SYNE1: variants seen among roughly 807,000 people sequenced by gnomAD.
SYNE1 encodes the protein spectrin repeat containing nuclear envelope protein 1.
A neutral mutation model predicts 1,111.0 loss-of-function variants in SYNE1; 616 were observed. That is an observed-to-expected ratio of 0.55 (90% CI 0.52 to 0.59). SYNE1 has a LOEUF of 0.59. SYNE1 is among the 20% of genes least tolerant of loss of function. The probability of loss-of-function intolerance (pLI) is 0.00; values close to 1 mark genes in which losing one functional copy is unlikely to be tolerated. For missense variants in SYNE1, 10,006 were observed against 10,417.0 expected (o/e 0.96, Z 1.72); for synonymous variants, 3,855 against 3,825.8 (o/e 1.01, Z -0.28).
chr6:152,355,484 T>C (rs2096821128), intron 66 of SYNE1, among the ~76,000 whole-genome samples: 1 of 152,086 alleles, frequency 6.6e-6, no homozygotes, highest in Non-Finnish European at 1.5e-5. Flanking sequence ...AACTGGAGAG[T>C]GCAGGGCACA....
chr6:152,410,146 A>T (rs1043969024), intron 42 of SYNE1: 10 of 161,070 alleles, frequency 6.2e-5, no homozygotes, highest in Non-Finnish European at 1.4e-4. Context: ...ACAAATAAAA[A>T]GATTACTCAA....
Position 152,353,409 on chromosome 6 carries a change from C to T in SYNE1, c.11107G>A (p.Glu3703Lys), listed in dbSNP as rs760166649. 6.2e-6 allele frequency: 10 copies of T among 1,614,164 alleles called. 1 individual carries two copies. The South Asian group carries it at 1.1e-4, about 18-fold the overall frequency. ...TCTGATTCCTCCAAACTCTGAATCTCCTCCTCCAGGAATTTTATTTGTTCC... is the reference window on the plus strand; with the variant it reads ...TCTGATTCCTCCAAACTCTGAATCTTCTCCTCCAGGAATTTTATTTGTTCC... ...VLEQIKFLEE[E>K]IQSLEESESS... The change falls in exon 69 of 146, where the codon GAG becomes AAG. Residue 3703 changes from glutamate (E) to lysine (K), a missense_variant. Glu to Lys is a moderately conservative substitution (Grantham distance 56, BLOSUM62 1). Transcript: ENST00000367255.
chr6:152,290,161 G>A (rs965112834), intron 95 of SYNE1, among the ~76,000 whole-genome samples: 16 of 152,170 alleles, frequency 1.1e-4, no homozygotes, highest in African/African-American at 3.9e-4. Context: ...TGTCCCTAAA[G>A]CATCAGATGC....
chr6:152,155,843 C>T, intron 132 of SYNE1, 67 bp downstream of exon 132: 1 of 1,588,674 alleles, frequency 6.3e-7, no homozygotes, highest in South Asian at 1.1e-5. Flanking sequence ...ACAGTGGATA[C>T]TCTGGGTGAT....
At chr6:152,268,238 T>A in intron 99 of SYNE1, 73 bp from the exon 100 acceptor site, 1 of 1,252,386 alleles carries the variant, frequency 8.0e-7, no homozygotes, top group Non-Finnish European at 1.2e-6. Flanking sequence ...TAGTTCTAGC[T>A]ATAAAATTCT....
intron 3 of SYNE1, among the ~76,000 whole-genome samples, 165 bp from the exon 4 acceptor site, chr6:152,540,186 T>G (rs1198809385): frequency 6.6e-6 from 1 of 151,720 alleles, no homozygotes; most frequent in African/African-American, 2.4e-5. Context: ...TCGATCTACA[T>G]AATCATATAG....
chr6:152,297,781 CTG>C (rs377152081), intron 93 of SYNE1, among the ~76,000 whole-genome samples: 20,796 of 119,718 alleles, frequency 0.17, 1,808 homozygotes, highest in East Asian at 0.43. Flanking sequence ...CAGTCTCACT[CTG>C]TGTGTGTGTG....
intron 45 of SYNE1, among the ~76,000 whole-genome samples, chr6:152,406,611 T>C (rs1316793358): frequency 6.6e-6 from 1 of 152,118 alleles, no homozygotes; most frequent in Non-Finnish European, 1.5e-5. Context: ...CTCACACCTG[T>C]AATCACAGCA....
At chr6:152,510,051 C>T in intron 8 of SYNE1, 142 bp downstream of exon 8, 1 of 867,114 alleles carries the variant, frequency 1.2e-6, no homozygotes, top group Non-Finnish European at 1.9e-6. Flanking sequence ...TATCTCAATT[C>T]AAGGCAAGAG....
At chr6:152,560,240 C>A (rs1259752334) in intron 3 of SYNE1, among the ~76,000 whole-genome samples, 1 of 152,040 alleles carries the variant, frequency 6.6e-6, no homozygotes, top group Non-Finnish European at 1.5e-5. Context: ...GTGGCATGCA[C>A]CTATAGTCCC....
intron 3 of SYNE1, among the ~76,000 whole-genome samples, chr6:152,626,438 A>C (rs1340612640): frequency 6.6e-6 from 1 of 152,118 alleles, no homozygotes; most frequent in Non-Finnish European, 1.5e-5. Flanking sequence ...ATGGTTCAAC[A>C]ATTTACCCTC....
At chr6:152,618,204 C>T (rs1040158344) in intron 3 of SYNE1, among the ~76,000 whole-genome samples, 1 of 152,098 alleles carries the variant, frequency 6.6e-6, no homozygotes, top group African/African-American at 2.4e-5. Flanking sequence ...GCAAGGAATG[C>T]TCATATCAGC....
chr6:152,459,794 C>T (rs967541881), intron 21 of SYNE1, among the ~76,000 whole-genome samples: 6 of 152,080 alleles, frequency 3.9e-5, no homozygotes, highest in African/African-American at 1.4e-4. Flanking sequence ...AGTATAAAGA[C>T]AATAATGTTC....
intron 128 of SYNE1, among the ~76,000 whole-genome samples, chr6:152,186,068 T>C (rs1261319986): frequency 1.3e-5 from 2 of 152,154 alleles, no homozygotes; most frequent in Non-Finnish European, 2.9e-5. Flanking sequence ...TGCAAAGAAA[T>C]GGTCTTTGCA....
intron 91 of SYNE1, among the ~76,000 whole-genome samples, chr6:152,308,056 C>A (rs1048908839): frequency 1.3e-5 from 2 of 152,152 alleles, no homozygotes; most frequent in African/African-American, 4.8e-5. Flanking sequence ...TGGTCTCCAT[C>A]TCCTGACCTC....
intron 3 of SYNE1, among the ~76,000 whole-genome samples, chr6:152,578,674 T>C (rs1402957478): frequency 6.6e-6 from 1 of 152,186 alleles, no homozygotes; most frequent in Admixed American, 6.5e-5. Flanking sequence ...GATTTCAAGA[T>C]TCCCTTTGAA....
At chr6:152,407,825 G>A (rs886733412) in intron 44 of SYNE1, among the ~76,000 whole-genome samples, 1 of 148,274 alleles carries the variant, frequency 6.7e-6, no homozygotes, top group Non-Finnish European at 1.5e-5. Context: ...GCAGTGGTGC[G>A]ATCTCAGCTC....
chr6:152,406,231 T>G (rs968938180), intron 45 of SYNE1, among the ~76,000 whole-genome samples: 2 of 152,128 alleles, frequency 1.3e-5, no homozygotes, highest in Non-Finnish European at 2.9e-5. Context: ...ATCTCCAATT[T>G]TCTTCCATTT....
rs1476697173 is a variant in SYNE1, at chr6:152,224,943, ATACACATATATATGTG to A, written c.21352-295_21352-280del. Among the ~76,000 whole-genome samples, 32 of 147,310 alleles carry A rather than the reference ATACACATATATATGTG, an allele frequency of 2.2e-4. No individual in the cohort carries two copies. The South Asian group carries it at 2.5e-3, about 12-fold the overall frequency. ...TATATATATACATATATACATATGT[ATACACATATATATGTG>A]TATATATATATACATATATGTATAT... On this transcript the variant is annotated intron_variant, in intron 116 of 145. Transcript: ENST00000367255.
Sources: gnomAD v4.1 joint callset for allele counts (sites outside exome capture counted in the v4.1 genomes callset) on GRCh38, gnomAD v4.1.1 for gene constraint, MANE v1.5 for transcripts, NCBI Gene and HGNC (gene_info 2026-07-23, HGNC 2026-07-21) for gene names.